The following PWWP3B variants were observed in gnomAD, a reference collection of about 807,000 sequenced individuals.
The protein encoded by PWWP3B is PWWP domain containing 3B, also known as PWWP domain-containing DNA repair factor 3B.
In PWWP3B, 5 loss-of-function variants were observed where a neutral mutation model predicts 15.7. That is an observed-to-expected ratio of 0.32 (90% CI 0.17 to 0.67). The LOEUF (loss-of-function observed/expected upper bound fraction) is 0.67, where lower values mean the gene tolerates loss of function less well. Among genes scored for constraint, PWWP3B ranks in the 30% least tolerant of loss-of-function variants. The pLI is 0.74. For missense variants in PWWP3B, 519 were observed against 493.1 expected (o/e 1.05, Z -0.50); for synonymous variants, 203 against 179.8 (o/e 1.13, Z -1.03).
At chrX:106,188,326 CAT>C (rs1922646138) in intron 2 of PWWP3B, among the ~76,000 whole-genome samples, 2 of 111,780 alleles carry the variant, frequency 1.8e-5, no homozygotes, top group Admixed American at 1.9e-4. Flanking sequence ...ACATTTTTAA[CAT>C]ATTATTTCTA....
At chrX:106,189,500 A>G (rs1437545330) in intron 2 of PWWP3B, among the ~76,000 whole-genome samples, 2 of 109,304 alleles carry the variant, frequency 1.8e-5, no homozygotes, top group African/African-American at 6.7e-5. Flanking sequence ...TGTCCTTGCG[A>G]TAGTTTGCTG....
chrX:106,174,375 C>G (rs1921776525), intron 2 of PWWP3B, among the ~76,000 whole-genome samples: 1 of 111,601 alleles, frequency 9.0e-6, no homozygotes, highest in South Asian at 3.8e-4. Flanking sequence ...GAATCATTAT[C>G]CATTAGCAAT....
intron 2 of PWWP3B, among the ~76,000 whole-genome samples, chrX:106,189,277 C>A (rs894132782): frequency 9.0e-6 from 1 of 110,946 alleles, no homozygotes; most frequent in African/African-American, 3.3e-5. Context: ...ATGTGCACAA[C>A]GTGCAGGTTT....
Position 106,205,672 on chromosome X carries a change from T to C in PWWP3B, c.240T>C (p.Pro80=), listed in dbSNP as rs774878543. 5 of 1,209,990 alleles carry C rather than the reference T, an allele frequency of 4.1e-6. No homozygotes were observed. The highest frequency in any genetic ancestry group is 5.6e-6 in the Non-Finnish European group (5 of 895,129). The change falls in exon 4 of 4, where the codon CCT becomes CCC. Residue 80 remains proline (P), a synonymous_variant. Transcript: ENST00000357175. ...TACAGTCAGAGGACAGTGCTCCACC[T>C]ACAGAGGAAACTGCCTATGGAAGAT... is the stretch of plus-strand genomic sequence containing the variant. The part of the protein sequence containing the change: ...LGLQSEDSAP[P]TEETAYGRSL...
intron 2 of PWWP3B, among the ~76,000 whole-genome samples, chrX:106,192,615 T>C (rs1482186636): frequency 1.8e-5 from 2 of 110,305 alleles, no homozygotes; most frequent in African/African-American, 6.7e-5. Context: ...GCTTTTCTAG[T>C]TCTTTTAATT....
intron 2 of PWWP3B, among the ~76,000 whole-genome samples, chrX:106,176,080 A>G (rs1921883766): frequency 9.0e-6 from 1 of 110,747 alleles, no homozygotes; most frequent in Non-Finnish European, 1.9e-5. Flanking sequence ...AAATGGGCTT[A>G]TATATTAACT....
intron 2 of PWWP3B, among the ~76,000 whole-genome samples, chrX:106,190,366 C>A (rs1319908566): frequency 4.5e-5 from 5 of 111,959 alleles, no homozygotes; most frequent in African/African-American, 9.8e-5. Flanking sequence ...CTGTTCATAT[C>A]ATTCGCCGAC....
At chrX:106,193,113 T>G (rs182017027) in intron 2 of PWWP3B, among the ~76,000 whole-genome samples, 1 of 111,499 alleles carries the variant, frequency 9.0e-6, no homozygotes, top group East Asian at 2.8e-4. Flanking sequence ...TCTGTCTCAT[T>G]GATCTGTCTA....
At chrX:106,183,877 C>T (rs1298440005) in intron 2 of PWWP3B, among the ~76,000 whole-genome samples, 1 of 112,477 alleles carries the variant, frequency 8.9e-6, no homozygotes, top group Non-Finnish European at 1.9e-5. Flanking sequence ...CTGTTTGGGG[C>T]TTCTGGCCCA....
chrX:106,197,412 T>C (rs985705644), intron 2 of PWWP3B, among the ~76,000 whole-genome samples: 2 of 111,667 alleles, frequency 1.8e-5, no homozygotes, highest in African/African-American at 6.5e-5. Flanking sequence ...TTGCCTGGGT[T>C]CAGGAGAGGG....
chrX:106,185,765 G>C (rs941237494), intron 2 of PWWP3B, among the ~76,000 whole-genome samples: 1 of 112,234 alleles, frequency 8.9e-6, no homozygotes, highest in African/African-American at 3.2e-5. Context: ...GCCATGCCCT[G>C]AGGGAGGGAA....
intron 2 of PWWP3B, among the ~76,000 whole-genome samples, chrX:106,195,670 C>T (rs1210728374): frequency 8.9e-6 from 1 of 111,816 alleles, no homozygotes; most frequent in Non-Finnish European, 1.9e-5. Context: ...TAGGTCAATC[C>T]TATGTCAATA....
At chrX:106,184,973 T>C (rs1047453962) in intron 2 of PWWP3B, among the ~76,000 whole-genome samples, 1 of 111,175 alleles carries the variant, frequency 9.0e-6, no homozygotes, top group African/African-American at 3.3e-5. Flanking sequence ...GAAAGGCTAG[T>C]ATATGGAGGT....
Position 106,206,570 on chromosome X carries a change from C to T in PWWP3B, c.1138C>T (p.Arg380Cys), listed in dbSNP as rs373158939. The T allele has an allele frequency of 2.5e-5, 30 of 1,207,426 alleles. No homozygotes were observed. Among genetic ancestry groups the T allele is most frequent in the South Asian group, 7.1e-5 (4 of 56,282 alleles). The part of the protein sequence containing the change: ...DDDEEDEELP[R>C]FILHYETHPF... The stretch of plus-strand genomic sequence containing the variant: ...TGATGAGGAAGACGAAGAACTTCCA[C>T]GCTTCATTTTACATTATGAGACACA... Residue 380 changes from arginine to cysteine, a missense_variant, in exon 4 of 4, where the codon CGC becomes TGC. Physicochemically the swap from Arg to Cys is radical, Grantham distance 180. Coordinates refer to ENST00000357175, the MANE Select transcript of PWWP3B (RefSeq NM_001171020.2).
intron 2 of PWWP3B, among the ~76,000 whole-genome samples, chrX:106,201,293 T>G (rs979580952): frequency 4.5e-5 from 5 of 111,492 alleles, no homozygotes; most frequent in Non-Finnish European, 9.4e-5. Context: ...TATAAAGAAA[T>G]AAAGTCTCCC....
At position 106,185,257 on chromosome X, in the gene PWWP3B, G is replaced by A. The variant is rs771941149; in HGVS notation, c.-401+14118G>A. Among the ~76,000 whole-genome samples the A allele has an allele frequency of 2.7e-5, 3 of 111,440 alleles. No individual in the cohort carries two copies. In the South Asian group the frequency reaches 1.2e-3, roughly 43 times the overall value. On this transcript the variant is annotated intron_variant, in intron 2 of 3. Transcript: ENST00000357175. ...TTTGCAGGTCAAATTGGTCCCAATG[G>A]CTTAGGATACATTTCAAGTGTGAGC...
chrX:106,205,512 C>T lies in PWWP3B; in HGVS notation c.80C>T (p.Ser27Leu). 8.3e-7 allele frequency: 1 copy of T among 1,200,464 alleles called. No homozygotes were observed. The highest frequency in any genetic ancestry group is 1.1e-6 in the Non-Finnish European group (1 of 889,873). The change falls in exon 4 of 4, where the codon TCA (serine) becomes TTA (leucine). Residue 27 changes from serine to leucine, a missense_variant. Coordinates refer to ENST00000357175, the MANE Select transcript of PWWP3B (RefSeq NM_001171020.2). Reference protein sequence around the residue: ...AKVLSRSETSSNSKRKKAFSL... With the variant: ...AKVLSRSETSLNSKRKKAFSL... ...GTTTTGTCCAGATCTGAAACTTCAT[C>T]AAACAGTAAGAGGAAAAAGGCATTT...
chrX:106,184,717 A>G (rs369047336), intron 2 of PWWP3B, among the ~76,000 whole-genome samples: 7 of 112,230 alleles, frequency 6.2e-5, no homozygotes, highest in Non-Finnish European at 1.3e-4. Flanking sequence ...TAGGCTGTGT[A>G]GGACATCTAT....
At chrX:106,191,800 A>G (rs1330333390) in intron 2 of PWWP3B, among the ~76,000 whole-genome samples, 1 of 111,525 alleles carries the variant, frequency 9.0e-6, no homozygotes, top group Non-Finnish European at 1.9e-5. Flanking sequence ...TGAGATAATC[A>G]TGTGGTTTTT....
Sources: allele counts gnomAD v4.1 joint callset (sites outside exome capture counted in the v4.1 genomes callset), GRCh38; gene constraint gnomAD v4.1.1; transcripts MANE v1.5; gene names NCBI Gene and HGNC (gene_info 2026-07-23, HGNC 2026-07-21).